Variants in SLC24A2 observed in about 807,000 individuals in gnomAD.
SLC24A2 encodes sodium/potassium/calcium exchanger 2.
Under a neutral mutation model 62.0 loss-of-function variants are expected in SLC24A2, and 36 were observed. The ratio of observed to expected loss-of-function variants is 0.58; its 90% CI spans 0.44 to 0.77. The LOEUF (loss-of-function observed/expected upper bound fraction) is 0.77. Ranked by LOEUF, SLC24A2 falls within the 30% of genes least tolerant of loss-of-function variation. The pLI, the probability that SLC24A2 is intolerant of heterozygous loss-of-function variation, is 0.00. For synonymous variants in SLC24A2, 358 were observed against 294.0 expected (o/e 1.22, Z -2.23); for missense variants, 846 against 817.9 (o/e 1.03, Z -0.42).
At chr9:19,720,193 C>T (rs940531013) in intron 2 of SLC24A2, among the ~76,000 whole-genome samples, 13 of 152,058 alleles carry the variant, frequency 8.5e-5, no homozygotes, top group African/African-American at 2.9e-4. Context: ...GCTATATTGC[C>T]TTTTTTCTAT....
chr9:19,848,159 T>G, the SLC24A2 span, among the ~76,000 whole-genome samples: 1 of 126,716 alleles, frequency 7.9e-6, no homozygotes, highest in African/African-American at 2.5e-5. Flanking sequence ...AATACTAAAC[T>G]TGTATAGAAG....
chr9:20,240,967 G>A, the SLC24A2 span, among the ~76,000 whole-genome samples: 1 of 152,224 alleles, frequency 6.6e-6, no homozygotes, highest in African/African-American at 2.4e-5. Flanking sequence ...AGTTTCAGGA[G>A]TCTTAACTTC....
the SLC24A2 span, among the ~76,000 whole-genome samples, chr9:19,823,409 T>G: frequency 6.6e-6 from 1 of 152,126 alleles, no homozygotes; most frequent in Non-Finnish European, 1.5e-5. Context: ...TTTCAGCTTG[T>G]GTTTTCTAAA....
At chr9:20,090,485 G>A in the SLC24A2 span, among the ~76,000 whole-genome samples, 100 of 152,190 alleles carry the variant, frequency 6.6e-4, 1 homozygote, top group East Asian at 0.017. Flanking sequence ...AGAAATATAG[G>A]GGTATAGGGG....
chr9:19,709,548 A>G (rs2118586049), intron 2 of SLC24A2, among the ~76,000 whole-genome samples: 1 of 152,176 alleles, frequency 6.6e-6, no homozygotes, highest in East Asian at 1.9e-4. Context: ...AATGTGGCAC[A>G]TATACACCAT....
At chr9:19,658,470 C>T (rs565039466) in intron 2 of SLC24A2, among the ~76,000 whole-genome samples, 26 of 152,288 alleles carry the variant, frequency 1.7e-4, no homozygotes, top group African/African-American at 5.8e-4. Flanking sequence ...AAAACAATAG[C>T]TAACATTTAT....
intron 4 of SLC24A2, among the ~76,000 whole-genome samples, chr9:19,604,713 G>T (rs992936806): frequency 6.6e-6 from 1 of 152,064 alleles, no homozygotes; most frequent in Admixed American, 6.6e-5. Flanking sequence ...GAGGGCAAGG[G>T]AATTTGAGAA....
At chr9:20,227,797 A>C in the SLC24A2 span, among the ~76,000 whole-genome samples, 3 of 152,164 alleles carry the variant, frequency 2.0e-5, no homozygotes, top group African/African-American at 7.2e-5. Flanking sequence ...AATTGCCACC[A>C]ACAAGGTCAC....
chr9:20,096,828 G>C, the SLC24A2 span, among the ~76,000 whole-genome samples: 38,973 of 151,532 alleles, frequency 0.26, 5,561 homozygotes, highest in East Asian at 0.62. Context: ...CTGTTGTTTT[G>C]TTTCATTTTG....
At chr9:20,136,484 G>A in the SLC24A2 span, among the ~76,000 whole-genome samples, 1 of 152,114 alleles carries the variant, frequency 6.6e-6, no homozygotes, top group Admixed American at 6.6e-5. Flanking sequence ...GTACTCTCTG[G>A]AATTGTTCTT....
intron 2 of SLC24A2, among the ~76,000 whole-genome samples, chr9:19,664,627 A>C (rs1333411512): frequency 6.6e-6 from 1 of 152,200 alleles, no homozygotes; most frequent in African/African-American, 2.4e-5. Flanking sequence ...GTCTTTGAAG[A>C]TGTAATGAAG....
At chr9:19,939,335 G>T in the SLC24A2 span, among the ~76,000 whole-genome samples, 470 of 152,322 alleles carry the variant, frequency 3.1e-3, 1 homozygote, top group African/African-American at 9.9e-3. Flanking sequence ...AGGCTATATG[G>T]TATATAGCCT....
At chr9:20,071,526 A>T in the SLC24A2 span, among the ~76,000 whole-genome samples, 3 of 152,204 alleles carry the variant, frequency 2.0e-5, no homozygotes, top group East Asian at 5.8e-4. Context: ...TGGTAGGATG[A>T]ATAATGCCCC....
the SLC24A2 span, among the ~76,000 whole-genome samples, chr9:20,070,472 T>C: frequency 1.3e-5 from 2 of 152,224 alleles, no homozygotes; most frequent in African/African-American, 4.8e-5. Flanking sequence ...GAGCCATCAT[T>C]GTTCATACGA....
intron 2 of SLC24A2, among the ~76,000 whole-genome samples, chr9:19,711,131 A>G (rs1377926548): frequency 6.6e-6 from 1 of 152,174 alleles, no homozygotes; most frequent in Admixed American, 6.5e-5. Context: ...CTGCATTTCT[A>G]TTTGAGGGGT....
chr9:19,792,938 G>A (rs563103640), upstream of SLC24A2, among the ~76,000 whole-genome samples: 8 of 152,138 alleles, frequency 5.3e-5, no homozygotes, highest in Admixed American at 1.3e-4. Context: ...TCCAAACCTC[G>A]ACTTTAGCTA....
chr9:19,636,381 T>TCTCTCTC (rs1818349778), intron 2 of SLC24A2, among the ~76,000 whole-genome samples: 1 of 16,250 alleles, frequency 6.2e-5, no homozygotes, highest in African/African-American at 2.3e-4. Flanking sequence ...CTTTCTTTCT[T>TCTCTCTC]TCTTTCTCCC....
At chr9:19,948,799 C>T in the SLC24A2 span, among the ~76,000 whole-genome samples, 7 of 133,302 alleles carry the variant, frequency 5.3e-5, no homozygotes, top group South Asian at 1.7e-3. Context: ...GAGCGGAGAT[C>T]GCGCCACAGC....
the SLC24A2 span, among the ~76,000 whole-genome samples, chr9:19,951,942 A>G: frequency 6.8e-4 from 103 of 152,224 alleles, no homozygotes; most frequent in African/African-American, 2.4e-3. Flanking sequence ...CATTTTTACA[A>G]TGTTGAGTTT....
Sources: gnomAD v4.1 joint callset for allele counts (sites outside exome capture counted in the v4.1 genomes callset) on GRCh38, gnomAD v4.1.1 for gene constraint, MANE v1.5 for transcripts, NCBI Gene and HGNC (gene_info 2026-07-23, HGNC 2026-07-21) for gene names.